The following LAMB3 variants were observed in gnomAD, a reference collection of about 807,000 sequenced individuals.
LAMB3 encodes laminin subunit beta-3.
LAMB3 carries 104 observed loss-of-function variants against 140.3 expected under a neutral mutation model. The ratio of observed to expected loss-of-function variants is 0.74; its 90% CI spans 0.63 to 0.87. LAMB3 has a LOEUF of 0.87. Ranked by LOEUF, LAMB3 falls within the 40% of genes least tolerant of loss-of-function variation. LAMB3 has a pLI of 0.00. For missense variants in LAMB3, 1,531 were observed against 1,575.2 expected (o/e 0.97, Z 0.47); for synonymous variants, 592 against 602.9 (o/e 0.98, Z 0.26).
At position 209,618,302 on chromosome 1, in the gene LAMB3, T is replaced by A. The variant is rs139994083; in HGVS notation, c.2909+150A>T. On this transcript the variant is annotated intron_variant, in intron 19 of 22. Coordinates refer to ENST00000356082, the MANE Select transcript of LAMB3 (RefSeq NM_000228.3). ...ACAGTCATGCAAATTAAGTTTAACC[T>A]GCACTCTGGACTCTGTGTACCACTC... 9.3e-4 allele frequency: 847 copies of A among 914,280 alleles called. 3 individuals are homozygous for A. Among genetic ancestry groups the A allele is most frequent in the Middle Eastern group, 8.8e-3 (28 of 3,186 alleles). The allele number at this position is 914,280 out of a possible 1,614,324, so 56.6% of individuals were successfully genotyped here.
At chr1:209,621,893 A>G (rs1666208564) in intron 18 of LAMB3, among the ~76,000 whole-genome samples, 1 of 152,204 alleles carries the variant, frequency 6.6e-6, no homozygotes, top group African/African-American at 2.4e-5. Flanking sequence ...ACAGACAACC[A>G]TCCTTGCCCT....
chr1:209,635,906 C>T (rs1323912520), intron 5 of LAMB3, among the ~76,000 whole-genome samples: 2 of 152,236 alleles, frequency 1.3e-5, no homozygotes. Flanking sequence ...CACCTCTTCT[C>T]TTCAAGCCCT....
chr1:209,644,675 C>G (rs990243965), intron 3 of LAMB3, among the ~76,000 whole-genome samples: 1 of 152,054 alleles, frequency 6.6e-6, no homozygotes, highest in Non-Finnish European at 1.5e-5. Flanking sequence ...TTGGCAATCA[C>G]TGAAAATTTC....
chr1:209,651,199 A>G, intron 1 of LAMB3: 1 of 548,242 alleles, frequency 1.8e-6, no homozygotes, highest in Non-Finnish European at 3.3e-6. Context: ...GTGCCCTGGG[A>G]AAATCCCATC....
At chr1:209,632,506 T>G (rs868843574) in intron 8 of LAMB3, 77 bp downstream of exon 8, 3 of 1,180,338 alleles carry the variant, frequency 2.5e-6, no homozygotes, top group African/African-American at 1.5e-5. Flanking sequence ...CTTCCTGCTT[T>G]ACAGGAGCCC....
Position 209,634,521 on chromosome 1 carries a change from G to A in LAMB3, c.490C>T (p.Arg164Trp), listed in dbSNP as rs764027121. ...CGAACATCCTGCCAGCTCTGAGGCC[G>A]ACCCTGGCGGACCCGAGGGAAGGTG... ...TSTFPRVRQG[R>W]PQSWQDVRCQ... Residue 164 changes from arginine to tryptophan, a missense_variant, in exon 6 of 23, where the codon CGG becomes TGG. By Grantham distance (101) the Arg-to-Trp change is moderately radical. Transcript: ENST00000356082. 1.8e-5 allele frequency: 29 copies of A among 1,613,972 alleles called. No homozygotes were observed. The highest frequency in any genetic ancestry group is 1.0e-4 in the Admixed American group (6 of 60,010).
At position 209,622,492 on chromosome 1, in the gene LAMB3, C is replaced by A. The variant is rs371044966; in HGVS notation, c.2701+44G>T. 3.5e-5 allele frequency: 57 copies of A among 1,610,796 alleles called. No individual in the cohort carries two copies. In the Middle Eastern group the frequency reaches 1.2e-3, roughly 33 times the overall value. On this transcript the variant is annotated intron_variant, in intron 18 of 22. Transcript: ENST00000356082. ...ACTGAACATGGGAATGCGGGACAGG[C>A]AGGACTGGAACAGCAGCCAAGGTGG... is the stretch of plus-strand genomic sequence containing the variant.
At position 209,627,404 on chromosome 1, in the gene LAMB3, G is replaced by A. The variant is rs1558155121; in HGVS notation, c.1464C>T (p.Ser488=). The stretch of plus-strand genomic sequence containing the variant: ...GTACCTGGTTGCACTGTGGGCTGAG[G>A]GAGTTGTGCGGGTCGCAGGCACACG... ...CEPCACDPHN[S]LSPQCNQFTG... is the part of the protein sequence containing the mutation. Residue 488 remains serine (S), a synonymous_variant, in exon 12 of 23, where the codon TCC becomes TCT. Coordinates refer to ENST00000356082, the MANE Select transcript of LAMB3 (RefSeq NM_000228.3). The A allele has an allele frequency of 6.2e-7, 1 of 1,613,568 alleles. No individual in the cohort carries two copies.
chr1:209,627,709 C>A, intron 11 of LAMB3, 130 bp from the exon 12 acceptor site: 1 of 894,246 alleles, frequency 1.1e-6, no homozygotes, highest in Non-Finnish European at 1.8e-6. Context: ...GATGACATGG[C>A]TGACTCACAG....
chr1:209,621,455 A>C (rs2102410689), intron 18 of LAMB3, among the ~76,000 whole-genome samples: 1 of 152,290 alleles, frequency 6.6e-6, no homozygotes, highest in Admixed American at 6.5e-5. Context: ...TCTGGGGCAA[A>C]AACACTGTAA....
intron 14 of LAMB3, among the ~76,000 whole-genome samples, chr1:209,624,933 A>AGGAG (rs1246783900): frequency 1.3e-5 from 2 of 148,728 alleles, no homozygotes; most frequent in Non-Finnish European, 3.0e-5. Flanking sequence ...GAAGGAAGGA[A>AGGAG]GGAAAAAAAG....
chr1:209,625,033 A>C (rs1359633550), intron 14 of LAMB3, among the ~76,000 whole-genome samples: 1 of 152,140 alleles, frequency 6.6e-6, no homozygotes, highest in Non-Finnish European at 1.5e-5. Context: ...CCTCTCCCGG[A>C]GCCCCCAGCC....
At chr1:209,620,334 T>G (rs1330193987) in intron 18 of LAMB3, among the ~76,000 whole-genome samples, 1 of 152,168 alleles carries the variant, frequency 6.6e-6, no homozygotes. Context: ...ACAGGTGCTA[T>G]GATGGCCATG....
At chr1:209,634,310 G>C in intron 6 of LAMB3, 137 bp downstream of exon 6, 1 of 857,874 alleles carries the variant, frequency 1.2e-6, no homozygotes, top group South Asian at 1.4e-5. Context: ...GTCATTACTG[G>C]TGGGAATTCA....
Position 209,626,130 on chromosome 1 carries a change from T to C in LAMB3, c.1598-104A>G, listed in dbSNP as rs1666443098. ...GGTCTGACCTGAGGCTCTTTCTACA[T>C]GACTTAGAATAACAGAAGTCGCAGC... On this transcript the variant is annotated intron_variant, in intron 13 of 22. Coordinates refer to ENST00000356082, the MANE Select transcript of LAMB3 (RefSeq NM_000228.3). The C allele has an allele frequency of 5.6e-6, 7 of 1,247,554 alleles. No individual in the cohort carries two copies. The Admixed American group carries it at 1.3e-4, about 23-fold the overall frequency. The allele number at this position is 1,247,554 out of a possible 1,614,324, so 77.3% of individuals were successfully genotyped here.
chr1:209,643,366 C>T (rs1323866267), intron 3 of LAMB3, among the ~76,000 whole-genome samples: 1 of 152,190 alleles, frequency 6.6e-6, no homozygotes, highest in South Asian at 2.1e-4. Flanking sequence ...TCTCTGGGGT[C>T]ATTTGGCTGG....
chr1:209,644,608 T>C (rs532333051), intron 3 of LAMB3, among the ~76,000 whole-genome samples: 1 of 152,232 alleles, frequency 6.6e-6, no homozygotes, highest in Admixed American at 6.5e-5. Flanking sequence ...TCTTTTTTTT[T>C]TTTCTTTCCT....
chr1:209,623,434 G>T lies in LAMB3; in HGVS notation c.2358+71C>A. 6.9e-7 allele frequency: 1 copy of T among 1,448,972 alleles called. No individual in the cohort carries two copies. The highest frequency in any genetic ancestry group is 9.7e-7 in the Non-Finnish European group (1 of 1,029,610). The allele number at this position is 1,448,972 out of a possible 1,614,324, so 89.8% of individuals were successfully genotyped here. A position where few individuals can be genotyped will look rare whatever the true frequency, so the allele number is the denominator to read the frequency against. ...GGCAGATCTGCCCTAATAGGAAGCA[G>T]GTGGCAGCAGTTGGTGTGTGACAAG... On this transcript the variant is annotated intron_variant, in intron 16 of 22. Coordinates refer to ENST00000356082, the MANE Select transcript of LAMB3 (RefSeq NM_000228.3). The surrounding 1 kb of genome is among the most constrained non-coding windows in gnomAD (Gnocchi z 4.2).
Position 209,615,332 on chromosome 1 carries a change from C to G in LAMB3, c.3458G>C (p.Arg1153Pro). ...RSADLTGLEK[R>P]VEQIRDHING... ...GATGTGGTCACGGATCTGCTCCACA[C>G]GCTTCTCCAGTCCTGTCAGGTCCGC... The change falls in exon 23 of 23, where the codon CGT (arginine) becomes CCT (proline). Residue 1153 changes from arginine (R) to proline (P), a missense_variant. Coordinates refer to ENST00000356082, the MANE Select transcript of LAMB3 (RefSeq NM_000228.3). 6.2e-7 allele frequency: 1 copy of G among 1,614,036 alleles called. No homozygotes were observed. Among genetic ancestry groups the G allele is most frequent in the Non-Finnish European group, 8.5e-7 (1 of 1,179,964 alleles).
Sources: allele counts gnomAD v4.1 joint callset (sites outside exome capture counted in the v4.1 genomes callset), GRCh38; gene constraint gnomAD v4.1.1; non-coding constraint Gnocchi (gnomAD v3.1); transcripts MANE v1.5; gene names NCBI Gene and HGNC (gene_info 2026-07-23, HGNC 2026-07-21).